SUGT1: variants seen among roughly 807,000 people sequenced by gnomAD.
The protein encoded by SUGT1 is SGT1 assembly cochaperone of MIS12 kinetochore complex, also known as protein SGT1 homolog.
SUGT1 carries 15 observed loss-of-function variants against 56.1 expected under a neutral mutation model. The ratio of observed to expected loss-of-function variants is 0.27; its 90% CI spans 0.18 to 0.41. The LOEUF is 0.41. Ranked by LOEUF, SUGT1 falls within the 10% of genes least tolerant of loss-of-function variation. The pLI is 1.00. For missense variants in SUGT1, 347 were observed against 382.2 expected (o/e 0.91, Z 0.77); for synonymous variants, 123 against 128.6 (o/e 0.96, Z 0.30).
intron 5 of SUGT1, among the ~76,000 whole-genome samples, chr13:52,662,401 T>C (rs759957443): frequency 2.0e-5 from 3 of 152,200 alleles, no homozygotes; most frequent in Non-Finnish European, 4.4e-5. Flanking sequence ...ATCTGTGAAA[T>C]TAAGGTTGAC....
In SUGT1 at chr13:52,700,845, C is replaced by G. The variant is rs1025947064; in HGVS notation, c.*13010C>G. ...AAATAAAATTAAGTCAATCCACTCA[C>G]AAAGAATTTCTATTTTGTAAAAATG... On this transcript the variant is annotated 3_prime_UTR_variant, in exon 13 of 13. Coordinates refer to ENST00000310528, the MANE Select transcript of SUGT1 (RefSeq NM_006704.5). The G allele has an allele frequency of 1.3e-5, 2 of 152,150 alleles. No homozygotes were observed. Among genetic ancestry groups the G allele is most frequent in the African/African-American group, 4.8e-5 (2 of 41,432 alleles). 9.4% of individuals were successfully genotyped at this position (152,150 alleles called of 1,614,324 possible). A position where few individuals can be genotyped will look rare whatever the true frequency, so the allele number is the denominator to read the frequency against.
intron 12 of SUGT1, among the ~76,000 whole-genome samples, chr13:52,680,606 A>C (rs1963334264): frequency 6.6e-6 from 1 of 152,246 alleles, no homozygotes; most frequent in African/African-American, 2.4e-5. Flanking sequence ...AGGGCAGCAT[A>C]AATACCTAAA....
intron 5 of SUGT1, among the ~76,000 whole-genome samples, chr13:52,661,291 T>G (rs4885801): frequency 0.92 from 140,127 of 151,950 alleles, 64,673 homozygotes; most frequent in East Asian, 0.98. Context: ...TTTTTTGGGG[T>G]TTTTTTTTGT....
At chr13:52,661,177 A>G (rs1962429161) in intron 5 of SUGT1, among the ~76,000 whole-genome samples, 1 of 152,138 alleles carries the variant, frequency 6.6e-6, no homozygotes, top group Non-Finnish European at 1.5e-5. Flanking sequence ...TAGTTATTTC[A>G]GAGGTGGCCT....
chr13:52,697,374 C>A lies in SUGT1; in HGVS notation c.*9539C>A, dbSNP rs1963969702. On this transcript the variant is annotated 3_prime_UTR_variant, in exon 13 of 13. Transcript: ENST00000310528. Reference sequence around the variant, plus strand: ...AGTTTACTTTCTAACTAGGTTAGCCCTCCATTCATACAAAATTATGAGCCC... The same window carrying A: ...AGTTTACTTTCTAACTAGGTTAGCCATCCATTCATACAAAATTATGAGCCC... 1 of 152,172 alleles carries A rather than the reference C, an allele frequency of 6.6e-6. No homozygotes were observed. Among genetic ancestry groups the A allele is most frequent in the Non-Finnish European group, 1.5e-5 (1 of 68,052 alleles). 9.4% of individuals were successfully genotyped at this position (152,172 alleles called of 1,614,324 possible). A position where few individuals can be genotyped will look rare whatever the true frequency, so the allele number is the denominator to read the frequency against.
At chr13:52,670,362 A>G (rs1251054289) in intron 10 of SUGT1, among the ~76,000 whole-genome samples, 1 of 152,176 alleles carries the variant, frequency 6.6e-6, no homozygotes, top group African/African-American at 2.4e-5. Context: ...ATGTCAGCCT[A>G]TTAATTTTTT....
At chr13:52,665,872 A>G in intron 9 of SUGT1, 139 bp downstream of exon 9, 1 of 618,202 alleles carries the variant, frequency 1.6e-6, no homozygotes, top group Non-Finnish European at 2.7e-6. Context: ...TAAAATCTGA[A>G]GCCATTGCTT....
intron 5 of SUGT1, among the ~76,000 whole-genome samples, chr13:52,659,990 G>A (rs952965611): frequency 1.3e-4 from 20 of 150,580 alleles, no homozygotes; most frequent in African/African-American, 4.6e-4. Context: ...CACCACGCCC[G>A]GCCAATTTTT....
intron 5 of SUGT1, among the ~76,000 whole-genome samples, chr13:52,660,507 A>G (rs184325518): frequency 2.0e-5 from 3 of 152,330 alleles, no homozygotes; most frequent in South Asian, 4.1e-4. Flanking sequence ...TTTATGTTAC[A>G]TTCTTACTCT....
In SUGT1 at chr13:52,692,641, C is replaced by T. The variant is rs1594265334; in HGVS notation, c.*4806C>T. On this transcript the variant is annotated 3_prime_UTR_variant, in exon 13 of 13. Transcript: ENST00000310528. ...GGTCAGGCTGGTCTTGAACTCCTGA[C>T]CTCATGATCCGCCCACCTTGGCCTC... The T allele has an allele frequency of 6.6e-6, 1 of 152,316 alleles. No individual in the cohort carries two copies. The highest frequency in any genetic ancestry group is 1.5e-5 in the Non-Finnish European group (1 of 68,140). The allele number at this position is 152,316 out of a possible 1,614,324, so 9.4% of individuals were successfully genotyped here. A position where few individuals can be genotyped will look rare whatever the true frequency, so the allele number is the denominator to read the frequency against.
At chr13:52,653,164 C>A (rs1232510449) in intron 2 of SUGT1, 61 bp downstream of exon 2, 1 of 1,595,798 alleles carries the variant, frequency 6.3e-7, no homozygotes, top group East Asian at 2.2e-5. Flanking sequence ...ACTTCGGGTC[C>A]CCGCTGACCC....
chr13:52,665,233 T>C (rs1253185198), intron 8 of SUGT1, among the ~76,000 whole-genome samples: 2 of 152,224 alleles, frequency 1.3e-5, no homozygotes, highest in African/African-American at 4.8e-5. Context: ...TTTTATCATC[T>C]GTAAAATAGG....
At chr13:52,677,805 A>G (rs999204934) in intron 11 of SUGT1, among the ~76,000 whole-genome samples, 1 of 152,150 alleles carries the variant, frequency 6.6e-6, no homozygotes, top group Non-Finnish European at 1.5e-5. Flanking sequence ...ATTTGATATT[A>G]TAGTGAATGA....
intron 5 of SUGT1, among the ~76,000 whole-genome samples, chr13:52,661,266 CT>C (rs1251707528): frequency 6.6e-6 from 1 of 151,826 alleles, no homozygotes; most frequent in East Asian, 1.9e-4. Context: ...ATCCAGGAAA[CT>C]TTTTTTGTTG....
rs2138195415 is a variant in SUGT1, at chr13:52,695,058, CAT to C, written c.*7227_*7228del. 6.6e-6 allele frequency: 1 copy of C among 152,326 alleles called. No homozygotes were observed. Among genetic ancestry groups the C allele is most frequent in the Admixed American group, 6.5e-5 (1 of 15,306 alleles). 9.4% of individuals were successfully genotyped at this position (152,326 alleles called of 1,614,324 possible). A position where few individuals can be genotyped will look rare whatever the true frequency, so the allele number is the denominator to read the frequency against. ...TTGCCCCAAATGAATCAGTGTGGAG[CAT>C]ATACAAGTGTGTAGACATTAATATG... is the stretch of plus-strand genomic sequence containing the variant. On this transcript the variant is annotated 3_prime_UTR_variant, in exon 13 of 13. Coordinates refer to ENST00000310528, the MANE Select transcript of SUGT1 (RefSeq NM_006704.5).
rs4586310 is a variant in SUGT1, at chr13:52,699,270, A to G, written c.*11435A>G. 139,470 of 152,202 alleles carry G rather than the reference A, an allele frequency of 0.92. 64,152 individuals are homozygous for G. The highest frequency in any genetic ancestry group is 0.99 in the East Asian group (5,137 of 5,180). The allele number at this position is 152,202 out of a possible 1,614,324, so 9.4% of individuals were successfully genotyped here. A position where few individuals can be genotyped will look rare whatever the true frequency, so the allele number is the denominator to read the frequency against. ...GACAGCACATGATGAAAGAAAATCAAATGTTTGTTTCAATCAAAGTGAAAC... is the reference window on the plus strand; with the variant it reads ...GACAGCACATGATGAAAGAAAATCAGATGTTTGTTTCAATCAAAGTGAAAC... On this transcript the variant is annotated 3_prime_UTR_variant, in exon 13 of 13. Transcript: ENST00000310528.
intron 5 of SUGT1, among the ~76,000 whole-genome samples, chr13:52,660,931 T>A (rs12584183): frequency 0.012 from 1,842 of 152,252 alleles, 46 homozygotes; most frequent in East Asian, 0.064. Context: ...CTCAGCCTCC[T>A]GAGTAACTGG....
In SUGT1 at chr13:52,696,567, G is replaced by GT. The variant is rs779141102; in HGVS notation, c.*8738dup. On this transcript the variant is annotated 3_prime_UTR_variant, in exon 13 of 13. Coordinates refer to ENST00000310528, the MANE Select transcript of SUGT1 (RefSeq NM_006704.5). Reference sequence around the variant, plus strand: ...CCAAACCATAGTGTTTAAAATTGGGGTTTTTTAAAAATGTCAAGCCCTTAA... The same window carrying GT: ...CCAAACCATAGTGTTTAAAATTGGGGTTTTTTTAAAAATGTCAAGCCCTTAA... 3 of 152,142 alleles carry GT rather than the reference G, an allele frequency of 2.0e-5. No individual in the cohort carries two copies. The highest frequency in any genetic ancestry group is 6.6e-5 in the Admixed American group (1 of 15,260). 9.4% of individuals were successfully genotyped at this position (152,142 alleles called of 1,614,324 possible).
intron 10 of SUGT1, among the ~76,000 whole-genome samples, chr13:52,672,656 G>T (rs564626729): frequency 6.6e-6 from 1 of 152,298 alleles, no homozygotes; most frequent in East Asian, 1.9e-4. Context: ...GTCTTGAAGT[G>T]TATGGTTCTT....
Sources: gnomAD v4.1 joint callset for allele counts (sites outside exome capture counted in the v4.1 genomes callset) on GRCh38, gnomAD v4.1.1 for gene constraint, MANE v1.5 for transcripts, NCBI Gene and HGNC (gene_info 2026-07-23, HGNC 2026-07-21) for gene names.